DPYD: variants seen among roughly 807,000 people sequenced by gnomAD.
DPYD encodes the protein dihydropyrimidine dehydrogenase [NADP(+)].
Under a neutral mutation model 116.2 loss-of-function variants are expected in DPYD, and 109 were observed. The observed-to-expected ratio is 0.94, with a 90% CI of 0.80 to 1.10. The LOEUF is 1.10. Among genes scored for constraint, DPYD ranks in the 50% least tolerant of loss-of-function variants. The probability of loss-of-function intolerance (pLI) is 0.00; values close to 1 mark genes in which losing one functional copy is unlikely to be tolerated. For missense variants in DPYD, 1,302 were observed against 1,254.5 expected, an observed-to-expected ratio of 1.04 and a Z score of -0.57; for synonymous variants, 440 against 432.0, an observed-to-expected ratio of 1.02 and a Z score of -0.23.
At chr1:97,647,079 T>C (rs1373845164) in intron 8 of DPYD, among the ~76,000 whole-genome samples, 2 of 152,116 alleles carry the variant, frequency 1.3e-5, no homozygotes, top group African/African-American at 4.8e-5. Context: ...ATTGCCTGAT[T>C]TCATCAGCTC....
At chr1:97,132,017 G>A (rs1182407167) in intron 20 of DPYD, among the ~76,000 whole-genome samples, 1 of 152,062 alleles carries the variant, frequency 6.6e-6, no homozygotes, top group East Asian at 1.9e-4. Flanking sequence ...CAATTACTGA[G>A]CTATTAAAAG....
chr1:97,487,181 C>A (rs1678685198), intron 13 of DPYD, among the ~76,000 whole-genome samples: 1 of 151,920 alleles, frequency 6.6e-6, no homozygotes, highest in Admixed American at 6.6e-5. Context: ...GGTATATCCA[C>A]ACAATGGAGA....
intron 2 of DPYD, among the ~76,000 whole-genome samples, chr1:97,839,461 G>A (rs1267564507): frequency 6.6e-6 from 1 of 152,020 alleles, no homozygotes; most frequent in Non-Finnish European, 1.5e-5. Flanking sequence ...GTTTCTCAGT[G>A]GGGTCTACTT....
intron 18 of DPYD, among the ~76,000 whole-genome samples, chr1:97,290,091 T>C (rs28755414): frequency 0.23 from 35,481 of 152,062 alleles, 4,331 homozygotes; most frequent in Middle Eastern, 0.28. Flanking sequence ...CATTCACAAT[T>C]GCTTCAAAGA....
chr1:97,309,698 T>C lies in DPYD; in HGVS notation c.2059-3401A>G, dbSNP rs553820008. The stretch of plus-strand genomic sequence containing the variant: ...TAATCTTATCGGGAATAGATTCCTA[T>C]GAAAATCAAACAACGGTGACAACAC... On this transcript the variant is annotated intron_variant, in intron 16 of 22. Transcript: ENST00000370192. Among the ~76,000 whole-genome samples the C allele has an allele frequency of 1.4e-4, 21 of 151,862 alleles. No homozygotes were observed. In the South Asian group the frequency reaches 4.1e-3, roughly 30 times the overall value.
chr1:97,458,652 GA>G (rs1451264289), intron 13 of DPYD, among the ~76,000 whole-genome samples: 1 of 152,168 alleles, frequency 6.6e-6, no homozygotes, highest in Admixed American at 6.5e-5. Context: ...ATAGGACCAA[GA>G]AAGAGTGATG....
intron 8 of DPYD, among the ~76,000 whole-genome samples, chr1:97,659,510 G>C (rs1302693353): frequency 1.3e-5 from 2 of 152,144 alleles, no homozygotes; most frequent in Non-Finnish European, 2.9e-5. Context: ...ATCCATAATG[G>C]GGAGTATTTT....
intron 3 of DPYD, among the ~76,000 whole-genome samples, chr1:97,818,738 A>G (rs953993215): frequency 2.6e-5 from 4 of 152,030 alleles, no homozygotes; most frequent in Non-Finnish European, 5.9e-5. Context: ...CATGGCAAAC[A>G]GATAATACCA....
chr1:97,207,793 T>C (rs962220812), intron 19 of DPYD, among the ~76,000 whole-genome samples: 1 of 152,162 alleles, frequency 6.6e-6, no homozygotes, highest in Admixed American at 6.6e-5. Context: ...TCTAATTTTT[T>C]TGGGTTTCTG....
At chr1:97,743,081 T>C (rs1035636435) in intron 3 of DPYD, among the ~76,000 whole-genome samples, 3 of 152,162 alleles carry the variant, frequency 2.0e-5, no homozygotes, top group African/African-American at 4.8e-5. Flanking sequence ...ATATTCAACA[T>C]AAACAGATTC....
intron 8 of DPYD, among the ~76,000 whole-genome samples, chr1:97,635,076 G>A (rs1242474387): frequency 6.6e-6 from 1 of 152,012 alleles, no homozygotes; most frequent in Non-Finnish European, 1.5e-5. Context: ...GCCATTGAGA[G>A]TGATGCCTCT....
chr1:97,440,801 C>A (rs996869924), intron 14 of DPYD, among the ~76,000 whole-genome samples: 1 of 152,154 alleles, frequency 6.6e-6, no homozygotes, highest in African/African-American at 2.4e-5. Flanking sequence ...TTCTGGTGGT[C>A]TTTATTCCAT....
intron 8 of DPYD, among the ~76,000 whole-genome samples, chr1:97,627,592 T>G (rs1466177816): frequency 6.6e-6 from 1 of 152,074 alleles, no homozygotes; most frequent in Non-Finnish European, 1.5e-5. Context: ...GACACTGTAT[T>G]AGGATGCCTT....
intron 19 of DPYD, among the ~76,000 whole-genome samples, chr1:97,224,167 T>C (rs956022544): frequency 2.0e-5 from 3 of 152,088 alleles, no homozygotes; most frequent in African/African-American, 7.2e-5. Context: ...AGAAGTCAGT[T>C]GGGTTGACTG....
intron 16 of DPYD, among the ~76,000 whole-genome samples, chr1:97,312,083 T>C (rs1667555068): frequency 6.6e-6 from 1 of 151,768 alleles, no homozygotes; most frequent in Non-Finnish European, 1.5e-5. Context: ...TGTGTGTGTG[T>C]AGGTATCTGT....
chr1:97,096,554 A>C (rs1650261381), intron 21 of DPYD, among the ~76,000 whole-genome samples: 1 of 152,174 alleles, frequency 6.6e-6, no homozygotes, highest in Admixed American at 6.6e-5. Context: ...AGAGGATTGT[A>C]AAATGCACCA....
intron 4 of DPYD, among the ~76,000 whole-genome samples, chr1:97,724,953 AAGAGAG>A (rs71590231): frequency 0.074 from 8,744 of 118,870 alleles, 309 homozygotes; most frequent in Middle Eastern, 0.13. Context: ...GAGGGAAGGA[AAGAGAG>A]AGAGAGAGAG....
chr1:97,450,974 C>T (rs1676383636), intron 13 of DPYD, among the ~76,000 whole-genome samples: 1 of 151,870 alleles, frequency 6.6e-6, no homozygotes, highest in Non-Finnish European at 1.5e-5. Context: ...TAAAAAGAAA[C>T]AAAGAAGGAA....
chr1:97,587,938 G>A (rs1334851503), intron 10 of DPYD, among the ~76,000 whole-genome samples: 1 of 150,762 alleles, frequency 6.6e-6, no homozygotes, highest in Non-Finnish European at 1.5e-5. Context: ...TATCTGAGAA[G>A]AGGCCTATAG....
Sources: gnomAD v4.1 joint callset for allele counts (sites outside exome capture counted in the v4.1 genomes callset) on GRCh38, gnomAD v4.1.1 for gene constraint, MANE v1.5 for transcripts, NCBI Gene and HGNC (gene_info 2026-07-23, HGNC 2026-07-21) for gene names.